The following CDH13 variants were observed in gnomAD, a reference collection of about 807,000 sequenced individuals.
CDH13 encodes cadherin-13.
In CDH13, 24 loss-of-function variants were observed where a neutral mutation model predicts 63.8. The observed-to-expected ratio is 0.38, with a 90% CI of 0.27 to 0.53. CDH13 has a LOEUF of 0.53. Among genes scored for constraint, CDH13 ranks in the 20% least tolerant of loss-of-function variants. The pLI, the probability that CDH13 is intolerant of heterozygous loss-of-function variation, is 0.85. For synonymous variants in CDH13, 503 were observed against 355.3 expected (o/e 1.42, Z -4.67); for missense variants, 1,049 against 903.1 (o/e 1.16, Z -2.07).
chr16:83,023,197 C>T (rs540200169), intron 2 of CDH13: 36 of 152,146 alleles, frequency 2.4e-4, no homozygotes, highest in Non-Finnish European at 4.1e-4. Flanking sequence ...TTGCATTAAG[C>T]CCAGGGGACA....
At chr16:82,768,356 A>G (rs1730782863) in intron 1 of CDH13, among the ~76,000 whole-genome samples, 1 of 152,122 alleles carries the variant, frequency 6.6e-6, no homozygotes, top group African/African-American at 2.4e-5. Context: ...ATATTGTGGG[A>G]CTGGGCTTAT....
At chr16:83,253,695 A>G (rs1055872890) in intron 5 of CDH13, among the ~76,000 whole-genome samples, 1 of 152,214 alleles carries the variant, frequency 6.6e-6, no homozygotes, top group African/African-American at 2.4e-5. Flanking sequence ...CATGTGAGTT[A>G]ATACACAGGA....
intron 7 of CDH13, among the ~76,000 whole-genome samples, chr16:83,572,513 A>G (rs922155120): frequency 6.6e-6 from 1 of 152,048 alleles, no homozygotes; most frequent in African/African-American, 2.4e-5. Context: ...TCTCACCTGG[A>G]TGGATATACT....
intron 2 of CDH13, among the ~76,000 whole-genome samples, chr16:82,880,208 C>T (rs1368962836): frequency 3.3e-5 from 5 of 152,010 alleles, no homozygotes; most frequent in Non-Finnish European, 7.3e-5. Flanking sequence ...CAATGAGAGG[C>T]CTTTGCTTCT....
intron 10 of CDH13, among the ~76,000 whole-genome samples, chr16:83,681,620 C>T (rs979889013): frequency 6.6e-6 from 1 of 152,136 alleles, no homozygotes; most frequent in African/African-American, 2.4e-5. Flanking sequence ...CCCCTCCACC[C>T]CTCTCCTCTC....
intron 4 of CDH13, among the ~76,000 whole-genome samples, chr16:83,145,878 C>T (rs1191835664): frequency 6.6e-6 from 1 of 152,092 alleles, no homozygotes; most frequent in Non-Finnish European, 1.5e-5. Context: ...CACATTTAAA[C>T]TGTGACTCTA....
intron 5 of CDH13, among the ~76,000 whole-genome samples, chr16:83,298,302 G>A (rs1353325875): frequency 6.6e-6 from 1 of 151,998 alleles, no homozygotes; most frequent in Non-Finnish European, 1.5e-5. Context: ...AAGGGAAGAA[G>A]TGAGGGAGGG....
At chr16:83,278,130 A>C (rs977199157) in intron 5 of CDH13, among the ~76,000 whole-genome samples, 4 of 152,176 alleles carry the variant, frequency 2.6e-5, no homozygotes, top group African/African-American at 9.6e-5. Context: ...AAAAAAATGC[A>C]TTATATTTCC....
intron 2 of CDH13, among the ~76,000 whole-genome samples, chr16:82,947,061 A>C (rs936587497): frequency 9.0e-5 from 13 of 144,798 alleles, no homozygotes; most frequent in South Asian, 2.2e-4. Flanking sequence ...GTTGTAAGAA[A>C]GTTTAAGGCT....
chr16:83,362,014 A>C (rs558955237), intron 6 of CDH13, among the ~76,000 whole-genome samples: 4 of 152,170 alleles, frequency 2.6e-5, no homozygotes, highest in Non-Finnish European at 5.9e-5. Context: ...AGCTTTGGGC[A>C]GTATCTCATC....
At chr16:83,364,780 A>G (rs1272170541) in intron 6 of CDH13, among the ~76,000 whole-genome samples, 3 of 152,122 alleles carry the variant, frequency 2.0e-5, no homozygotes, top group Non-Finnish European at 4.4e-5. Flanking sequence ...CAGAAGGAAG[A>G]AGAGAGAGAG....
chr16:82,665,688 A>G (rs1356278205), intron 1 of CDH13, among the ~76,000 whole-genome samples: 1 of 151,544 alleles, frequency 6.6e-6, no homozygotes, highest in East Asian at 2.0e-4. Context: ...CTCTGCTTGG[A>G]CTCTGCCCAA....
At chr16:83,557,660 G>C (rs1020359793) in intron 7 of CDH13, among the ~76,000 whole-genome samples, 1 of 152,104 alleles carries the variant, frequency 6.6e-6, no homozygotes, top group African/African-American at 2.4e-5. Flanking sequence ...AGTTGAGTCT[G>C]GGAGGTACTG....
At chr16:82,695,494 A>C (rs1174050913) in intron 1 of CDH13, among the ~76,000 whole-genome samples, 2 of 152,158 alleles carry the variant, frequency 1.3e-5, no homozygotes, top group African/African-American at 4.8e-5. Flanking sequence ...GTGAGCAGGA[A>C]GGACTTCACC....
chr16:83,512,441 T>C (rs1282144123), intron 7 of CDH13, among the ~76,000 whole-genome samples: 3 of 149,854 alleles, frequency 2.0e-5, no homozygotes, highest in Admixed American at 6.6e-5. Context: ...GAGGCCGAGG[T>C]GGGTGGATCA....
In CDH13 at chr16:83,496,405, G is replaced by A. The variant is rs1259468579; in HGVS notation, c.960+9750G>A. Among the ~76,000 whole-genome samples the A allele has an allele frequency of 2.7e-5, 4 of 150,800 alleles. No homozygotes were observed. The South Asian group carries it at 6.4e-4, about 24-fold the overall frequency. ...GACAAACCTGAGAAAAACAAGCAAT[G>A]GGGAAAGGATTCCCTGTTTAATAAA... On this transcript the variant is annotated intron_variant, in intron 7 of 13. Transcript: ENST00000567109.
At chr16:82,757,120 C>T (rs1368601825) in intron 1 of CDH13, among the ~76,000 whole-genome samples, 1 of 152,154 alleles carries the variant, frequency 6.6e-6, no homozygotes, top group Non-Finnish European at 1.5e-5. Context: ...TTAGTTCATA[C>T]AGTGGTCACA....
chr16:83,216,558 A>G (rs1271470733), intron 4 of CDH13, among the ~76,000 whole-genome samples: 1 of 142,422 alleles, frequency 7.0e-6, no homozygotes, highest in African/African-American at 2.5e-5. Flanking sequence ...GGTTTAATAT[A>G]TATAATATGT....
At chr16:83,372,381 C>G (rs367557512) in intron 6 of CDH13, among the ~76,000 whole-genome samples, 1 of 152,086 alleles carries the variant, frequency 6.6e-6, no homozygotes, top group Non-Finnish European at 1.5e-5. Flanking sequence ...GGCATAAGGA[C>G]GTTTTTCTCC....
Sources: gnomAD v4.1 joint callset for allele counts (sites outside exome capture counted in the v4.1 genomes callset) on GRCh38, gnomAD v4.1.1 for gene constraint, MANE v1.5 for transcripts, NCBI Gene and HGNC (gene_info 2026-07-23, HGNC 2026-07-21) for gene names.